The following LYPD6 variants were observed in gnomAD, a reference collection of about 807,000 sequenced individuals.
LYPD6 encodes ly6/PLAUR domain-containing protein 6.
In LYPD6, 15 loss-of-function variants were observed where a neutral mutation model predicts 22.7. The observed-to-expected ratio is 0.66, with a 90% CI of 0.44 to 1.02. LYPD6 has a LOEUF of 1.02. Among genes scored for constraint, LYPD6 ranks in the 50% least tolerant of loss-of-function variants. The pLI is 0.00. For missense variants in LYPD6, 189 were observed against 208.4 expected (o/e 0.91, Z 0.57); for synonymous variants, 72 against 77.5 (o/e 0.93, Z 0.37).
At chr2:149,333,949 A>G (rs190865180) in intron 1 of LYPD6, among the ~76,000 whole-genome samples, 1 of 152,346 alleles carries the variant, frequency 6.6e-6, no homozygotes, top group East Asian at 1.9e-4. Flanking sequence ...AGGGAATTCA[A>G]TGCTGATATG....
In LYPD6 at chr2:149,384,718, TTTTTA is replaced by T. The variant is rs555379734; in HGVS notation, c.-71-52915_-71-52911del. ...CTCTCCAGGCTCTGTTTTTAAATTT[TTTTTA>T]TTTTTTTATTTTATTATTATTATAC... On this transcript the variant is annotated intron_variant, in intron 1 of 4. Transcript: ENST00000334166. 4.1e-4 allele frequency among the ~76,000 whole-genome samples: 63 copies of T among 152,266 alleles called. 2 individuals are homozygous for T. In the South Asian group the frequency reaches 0.011, roughly 27 times the overall value.
chr2:149,427,181 A>G (rs904743246), intron 1 of LYPD6, among the ~76,000 whole-genome samples: 2 of 152,192 alleles, frequency 1.3e-5, no homozygotes, highest in African/African-American at 4.8e-5. Context: ...TAGATTTGGA[A>G]CCAGGTTATT....
intron 2 of LYPD6, among the ~76,000 whole-genome samples, chr2:149,438,314 A>G (rs1683481312): frequency 6.6e-6 from 1 of 152,198 alleles, no homozygotes. Flanking sequence ...AATAACATAG[A>G]TGCCCAGATC....
chr2:149,397,367 G>C (rs1277076497), intron 1 of LYPD6, among the ~76,000 whole-genome samples: 2 of 152,178 alleles, frequency 1.3e-5, no homozygotes, highest in Non-Finnish European at 2.9e-5. Flanking sequence ...GTCTCCATCA[G>C]AGTAGCCTGG....
downstream of LYPD6, among the ~76,000 whole-genome samples, chr2:149,477,413 A>G (rs1681461962): frequency 6.6e-6 from 1 of 152,116 alleles, no homozygotes; most frequent in South Asian, 2.1e-4. Context: ...ACCTGAGGTC[A>G]GGAGTTCGAG....
intron 1 of LYPD6, among the ~76,000 whole-genome samples, chr2:149,400,808 A>G (rs923557030): frequency 3.9e-5 from 6 of 152,210 alleles, no homozygotes; most frequent in Non-Finnish European, 5.9e-5. Context: ...CACTGTGTGT[A>G]TGAGATGGGT....
intron 1 of LYPD6, among the ~76,000 whole-genome samples, chr2:149,394,758 C>T (rs368728797): frequency 6.6e-6 from 1 of 151,902 alleles, no homozygotes; most frequent in East Asian, 1.9e-4. Flanking sequence ...TGTTTTGTTC[C>T]TTTCCTTCCG....
At chr2:149,384,091 T>C (rs993563351) in intron 1 of LYPD6, among the ~76,000 whole-genome samples, 10 of 152,226 alleles carry the variant, frequency 6.6e-5, no homozygotes, top group African/African-American at 1.9e-4. Context: ...TCATGTTCCA[T>C]AGTAGAATCC....
Position 149,471,124 on chromosome 2 carries a change from T to C in LYPD6, c.*274T>C. On this transcript the variant is annotated 3_prime_UTR_variant, in exon 5 of 5. Coordinates refer to ENST00000334166, the MANE Select transcript of LYPD6 (RefSeq NM_194317.5). ...TCATTCCAAGAAGTAGTTCTGCATT[T>C]ATCGAGATCTGGGGTTCTTAATTTG... 3.4e-6 allele frequency: 1 copy of C among 297,816 alleles called. No individual in the cohort carries two copies. The allele number at this position is 297,816 out of a possible 1,614,324, so 18.4% of individuals were successfully genotyped here. A position where few individuals can be genotyped will look rare whatever the true frequency, so the allele number is the denominator to read the frequency against.
chr2:149,358,707 A>G (rs1681514743), intron 1 of LYPD6, among the ~76,000 whole-genome samples: 1 of 152,194 alleles, frequency 6.6e-6, no homozygotes, highest in South Asian at 2.1e-4. Flanking sequence ...TTTGAATTTT[A>G]TTCTAGATAT....
intron 1 of LYPD6, among the ~76,000 whole-genome samples, chr2:149,402,028 G>A (rs967510294): frequency 2.6e-5 from 4 of 151,950 alleles, no homozygotes; most frequent in African/African-American, 9.7e-5. Context: ...TTCATGAGAG[G>A]CTTAAAACCT....
At chr2:149,412,136 G>A (rs1378258298) in intron 1 of LYPD6, among the ~76,000 whole-genome samples, 1 of 152,080 alleles carries the variant, frequency 6.6e-6, no homozygotes, top group South Asian at 2.1e-4. Flanking sequence ...GGATTAAAGA[G>A]TATATACATT....
intron 1 of LYPD6, among the ~76,000 whole-genome samples, chr2:149,403,193 G>C (rs1210618290): frequency 6.6e-6 from 1 of 152,114 alleles, no homozygotes; most frequent in Non-Finnish European, 1.5e-5. Context: ...GTAAACATAT[G>C]TGTGCATGTG....
intron 1 of LYPD6, among the ~76,000 whole-genome samples, chr2:149,417,342 G>A (rs1430020411): frequency 1.3e-5 from 2 of 152,166 alleles, no homozygotes; most frequent in East Asian, 3.9e-4. Flanking sequence ...TGTGAGCAGT[G>A]GGGAACCATT....
intron 1 of LYPD6, among the ~76,000 whole-genome samples, chr2:149,418,727 G>A (rs1465701955): frequency 1.3e-5 from 2 of 152,268 alleles, no homozygotes; most frequent in Non-Finnish European, 2.9e-5. Context: ...AGAGCCCCAG[G>A]TTTCAATGTT....
chr2:149,352,435 G>A (rs1193783932), intron 1 of LYPD6, among the ~76,000 whole-genome samples: 1 of 152,206 alleles, frequency 6.6e-6, no homozygotes, highest in Non-Finnish European at 1.5e-5. Context: ...GTGGCTGCAA[G>A]TTACAGGGAA....
intron 1 of LYPD6, among the ~76,000 whole-genome samples, chr2:149,339,825 G>C (rs1681126106): frequency 6.6e-6 from 1 of 152,114 alleles, no homozygotes; most frequent in African/African-American, 2.4e-5. Context: ...AAGTGTTTAG[G>C]TGTATGCGTG....
At chr2:149,342,236 C>A (rs1681177285) in intron 1 of LYPD6, among the ~76,000 whole-genome samples, 1 of 152,122 alleles carries the variant, frequency 6.6e-6, no homozygotes, top group Admixed American at 6.6e-5. Flanking sequence ...GCCCCCATGA[C>A]CCAAATGCTA....
chr2:149,389,381 T>G (rs1366689308), intron 1 of LYPD6, among the ~76,000 whole-genome samples: 1 of 152,122 alleles, frequency 6.6e-6, no homozygotes, highest in Non-Finnish European at 1.5e-5. Flanking sequence ...CTGAAGAGAT[T>G]AAAATTTTGT....
Sources: allele counts gnomAD v4.1 joint callset (sites outside exome capture counted in the v4.1 genomes callset), GRCh38; gene constraint gnomAD v4.1.1; transcripts MANE v1.5; gene names NCBI Gene and HGNC (gene_info 2026-07-23, HGNC 2026-07-21).